The following ITGB5 variants were observed in gnomAD, a reference collection of about 807,000 sequenced individuals.
ITGB5 encodes integrin subunit beta 5, also known as integrin beta-5.
ITGB5 carries 38 observed loss-of-function variants against 84.8 expected under a neutral mutation model. That is an observed-to-expected ratio of 0.45 (90% CI 0.35 to 0.59). The LOEUF is 0.59. Ranked by LOEUF, ITGB5 falls within the 20% of genes least tolerant of loss-of-function variation. The pLI, the probability that ITGB5 is intolerant of heterozygous loss-of-function variation, is 0.01. For synonymous variants in ITGB5, 393 were observed against 414.4 expected (o/e 0.95, Z 0.63); for missense variants, 905 against 1,034.5 (o/e 0.87, Z 1.72).
intron 10 of ITGB5, among the ~76,000 whole-genome samples, chr3:124,795,326 T>G (rs2064206580): frequency 1.3e-5 from 2 of 151,938 alleles, no homozygotes; most frequent in African/African-American, 2.4e-5. Flanking sequence ...CCGTCTCTAC[T>G]AAAAATACAA....
At chr3:124,818,049 A>G (rs576000183) in intron 7 of ITGB5, among the ~76,000 whole-genome samples, 33 of 152,032 alleles carry the variant, frequency 2.2e-4, no homozygotes, top group Non-Finnish European at 3.5e-4. Context: ...AGCTCCTGAC[A>G]GTTTCTTGCC....
At chr3:124,782,815 T>G (rs1456434029) in intron 10 of ITGB5, among the ~76,000 whole-genome samples, 2 of 151,722 alleles carry the variant, frequency 1.3e-5, no homozygotes, top group Non-Finnish European at 2.9e-5. Flanking sequence ...GAGCTGAGAT[T>G]GTGCCATTGC....
intron 1 of ITGB5, among the ~76,000 whole-genome samples, chr3:124,881,576 T>C (rs1365356874): frequency 6.6e-6 from 1 of 152,194 alleles, no homozygotes; most frequent in Non-Finnish European, 1.5e-5. Flanking sequence ...TTATTGGTTA[T>C]GTGACCTAGG....
intron 10 of ITGB5, among the ~76,000 whole-genome samples, chr3:124,779,104 G>A (rs908807725): frequency 3.3e-5 from 5 of 152,176 alleles, no homozygotes; most frequent in African/African-American, 7.2e-5. Context: ...ATCAGGACAC[G>A]GGAGCTGGCA....
chr3:124,768,883 G>A (rs1332276704), intron 12 of ITGB5, 130 bp downstream of exon 12: 3 of 627,566 alleles, frequency 4.8e-6, no homozygotes, highest in African/African-American at 1.8e-5. Context: ...TTCCAGCACC[G>A]GGTCCTCATG....
intron 2 of ITGB5, among the ~76,000 whole-genome samples, 157 bp from the exon 3 acceptor site, chr3:124,859,603 T>G (rs969364984): frequency 6.6e-6 from 1 of 152,228 alleles, no homozygotes; most frequent in Non-Finnish European, 1.5e-5. Flanking sequence ...CTATCCCAGA[T>G]GCTTCACCAA....
At chr3:124,825,053 T>G (rs2064764645) in intron 5 of ITGB5, among the ~76,000 whole-genome samples, 1 of 151,884 alleles carries the variant, frequency 6.6e-6, no homozygotes, top group Non-Finnish European at 1.5e-5. Flanking sequence ...AAAAATTAGC[T>G]GGGCGTGGTG....
chr3:124,782,335 C>T (rs1012686038), intron 10 of ITGB5, among the ~76,000 whole-genome samples: 11 of 152,168 alleles, frequency 7.2e-5, no homozygotes, highest in African/African-American at 2.7e-4. Flanking sequence ...TACTCCTTAC[C>T]ACTATGGGAA....
chr3:124,894,934 C>T (rs143057299), intron 1 of ITGB5, among the ~76,000 whole-genome samples: 3 of 152,012 alleles, frequency 2.0e-5, no homozygotes, highest in African/African-American at 7.3e-5. Flanking sequence ...AAAAAATCCC[C>T]CCTCCCCCCC....
At position 124,763,920 on chromosome 3, in the gene ITGB5, C is replaced by T. The variant is rs1221030315; in HGVS notation, c.2305-202G>A. Among the ~76,000 whole-genome samples, 4 of 152,206 alleles carry T rather than the reference C, an allele frequency of 2.6e-5. No individual in the cohort carries two copies. The East Asian group carries it at 7.7e-4, about 29-fold the overall frequency. On this transcript the variant is annotated intron_variant, in intron 14 of 14. Transcript: ENST00000296181. ...TCGCCTTCTCTAAGCTTTCACTATC[C>T]ACCTCTGGAAGGAGGAGTTGGGTCA...
At chr3:124,877,259 G>A (rs993106008) in intron 1 of ITGB5, among the ~76,000 whole-genome samples, 2 of 151,608 alleles carry the variant, frequency 1.3e-5, no homozygotes, top group Non-Finnish European at 2.9e-5. Flanking sequence ...GATTACAGGC[G>A]TGAGCTACCA....
intron 10 of ITGB5, among the ~76,000 whole-genome samples, chr3:124,785,306 G>A (rs921286218): frequency 6.6e-6 from 1 of 151,130 alleles, no homozygotes; most frequent in Non-Finnish European, 1.5e-5. Flanking sequence ...ACTTGTGTCC[G>A]GGCGCGGTGG....
chr3:124,843,814 G>A (rs1381569690), intron 4 of ITGB5, among the ~76,000 whole-genome samples: 3 of 152,042 alleles, frequency 2.0e-5, no homozygotes, highest in South Asian at 2.1e-4. Context: ...CCAAATAAGC[G>A]CCATGCATAC....
At chr3:124,860,624 C>T (rs2107619570) in intron 2 of ITGB5, among the ~76,000 whole-genome samples, 1 of 152,348 alleles carries the variant, frequency 6.6e-6, no homozygotes, top group Admixed American at 6.5e-5. Context: ...AAAGGGGTTT[C>T]ACCTTTTCCC....
intron 1 of ITGB5, among the ~76,000 whole-genome samples, chr3:124,898,867 G>A (rs569536680): frequency 6.6e-6 from 1 of 151,104 alleles, no homozygotes; most frequent in Non-Finnish European, 1.5e-5. Flanking sequence ...CCTGAGGTCA[G>A]GAGTTCAAGA....
upstream of ITGB5, chr3:124,887,734 T>A (rs1320927538): frequency 2.2e-6 from 1 of 450,638 alleles, no homozygotes; most frequent in African/African-American, 2.0e-5. Flanking sequence ...GTTGCTAGAC[T>A]GCGAGAGGGA....
chr3:124,871,194 G>T (rs1047724614), intron 2 of ITGB5, among the ~76,000 whole-genome samples: 1 of 150,280 alleles, frequency 6.7e-6, no homozygotes, highest in African/African-American at 2.5e-5. Flanking sequence ...CACCAGGCCT[G>T]AATTGATTCT....
At chr3:124,785,534 A>G (rs1480228968) in intron 10 of ITGB5, among the ~76,000 whole-genome samples, 2 of 151,232 alleles carry the variant, frequency 1.3e-5, no homozygotes, top group South Asian at 2.1e-4. Flanking sequence ...GCAGTGAGCC[A>G]AGATCGTGCC....
At chr3:124,769,261 CCTTT>C (rs2063808800) in intron 11 of ITGB5, 148 bp from the exon 12 acceptor site, 1 of 624,452 alleles carries the variant, frequency 1.6e-6, no homozygotes. Flanking sequence ...TTCTGCTCTG[CCTTT>C]CTTCTTGTTA....
Sources: allele counts gnomAD v4.1 joint callset (sites outside exome capture counted in the v4.1 genomes callset), GRCh38; gene constraint gnomAD v4.1.1; transcripts MANE v1.5; gene names NCBI Gene and HGNC (gene_info 2026-07-23, HGNC 2026-07-21).